GRIK4: variants seen among roughly 807,000 people sequenced by gnomAD.
GRIK4 encodes glutamate receptor ionotropic, kainate 4.
GRIK4 carries 40 observed loss-of-function variants against 104.9 expected under a neutral mutation model. The observed-to-expected ratio is 0.38, with a 90% CI of 0.30 to 0.50. The LOEUF (loss-of-function observed/expected upper bound fraction) is 0.50, where lower values mean the gene tolerates loss of function less well. Ranked by LOEUF, GRIK4 falls within the 20% of genes least tolerant of loss-of-function variation. The pLI is 0.93. For missense variants in GRIK4, 1,047 were observed against 1,308.1 expected, an observed-to-expected ratio of 0.80 and a Z score of 3.08; for synonymous variants, 485 against 524.9, an observed-to-expected ratio of 0.92 and a Z score of 1.04.
intron 3 of GRIK4, among the ~76,000 whole-genome samples, chr11:120,743,059 C>T (rs1050691267): frequency 2.0e-5 from 3 of 151,984 alleles, no homozygotes; most frequent in Non-Finnish European, 4.4e-5. Context: ...GGTGAAACCC[C>T]GTCTGTACTG....
At chr11:120,696,911 C>T (rs755973224) in intron 3 of GRIK4, among the ~76,000 whole-genome samples, 11 of 152,212 alleles carry the variant, frequency 7.2e-5, no homozygotes, top group East Asian at 1.9e-4. Flanking sequence ...AGATAAACTG[C>T]GCTATGGGCA....
chr11:120,911,942 G>C (rs1943008532), intron 13 of GRIK4, among the ~76,000 whole-genome samples: 1 of 151,812 alleles, frequency 6.6e-6, no homozygotes, highest in Non-Finnish European at 1.5e-5. Flanking sequence ...AAAATTATTT[G>C]TAATTCCACC....
intron 19 of GRIK4, among the ~76,000 whole-genome samples, chr11:120,972,306 C>T (rs1285844536): frequency 1.3e-5 from 2 of 152,164 alleles, no homozygotes; most frequent in East Asian, 3.9e-4. Flanking sequence ...ATTCTGAGCT[C>T]TTGGCGGCAT....
intron 4 of GRIK4, among the ~76,000 whole-genome samples, chr11:120,804,460 C>G (rs1434909334): frequency 6.6e-6 from 1 of 152,318 alleles, no homozygotes; most frequent in East Asian, 1.9e-4. Context: ...CTCCCTCTCA[C>G]AGCTTCCTTC....
chr11:120,896,644 A>G (rs1438172351), intron 11 of GRIK4, among the ~76,000 whole-genome samples: 1 of 152,214 alleles, frequency 6.6e-6, no homozygotes, highest in Admixed American at 6.5e-5. Flanking sequence ...CACCTTCTCC[A>G]GACTGTGAAG....
intron 8 of GRIK4, among the ~76,000 whole-genome samples, chr11:120,848,894 G>C (rs746957398): frequency 2.0e-5 from 3 of 152,080 alleles, no homozygotes; most frequent in East Asian, 3.9e-4. Context: ...AGGGGGACAG[G>C]GGGTGTGAGA....
intron 8 of GRIK4, among the ~76,000 whole-genome samples, chr11:120,861,282 A>G (rs920268546): frequency 6.6e-6 from 1 of 151,576 alleles, no homozygotes; most frequent in African/African-American, 2.4e-5. Flanking sequence ...CTAGTTTTGT[A>G]TTTTTAGTAG....
rs1942819405 is a variant in GRIK4 at position 120,904,417 on chromosome 11, G to T, written c.1273-873G>T. Reference sequence around the variant, plus strand: ...CTTTCTGTGCCTCTTACATCCTTCTGGCTTTCTCCAATCCAACCTGCAGCC... The same window carrying T: ...CTTTCTGTGCCTCTTACATCCTTCTTGCTTTCTCCAATCCAACCTGCAGCC... On this transcript the variant is annotated intron_variant, in intron 12 of 20. Coordinates refer to ENST00000527524, the MANE Select transcript of GRIK4 (RefSeq NM_014619.5). Among the ~76,000 whole-genome samples the T allele has an allele frequency of 2.6e-5, 4 of 152,266 alleles. No homozygotes were observed. In the South Asian group the frequency reaches 8.3e-4, roughly 32 times the overall value.
intron 3 of GRIK4, among the ~76,000 whole-genome samples, chr11:120,765,686 G>A (rs1398710157): frequency 6.6e-6 from 1 of 152,142 alleles, no homozygotes; most frequent in Non-Finnish European, 1.5e-5. Context: ...GTTGCTTTCT[G>A]TTTGTTATTT....
chr11:120,769,157 C>G (rs570667038), intron 3 of GRIK4, among the ~76,000 whole-genome samples: 14 of 152,210 alleles, frequency 9.2e-5, no homozygotes, highest in African/African-American at 3.1e-4. Context: ...GCTGTGATGC[C>G]ATCTGGTCCT....
In GRIK4 at chr11:120,526,279, G is replaced by A. The variant is rs78916251; in HGVS notation, c.-159+14392G>A. ...TGCGGTGGCATGATCTCCATCTCCC[G>A]GGCTCAGGGTGATTCTCCCACCCTG... On this transcript the variant is annotated intron_variant, in intron 1 of 20. Transcript: ENST00000527524. 3.8e-3 allele frequency among the ~76,000 whole-genome samples: 584 copies of A among 152,044 alleles called. 19 individuals are homozygous for A. The East Asian group carries it at 0.061, about 16-fold the overall frequency.
intron 11 of GRIK4, chr11:120,894,851 A>C (rs1163817434): frequency 2.0e-5 from 3 of 152,228 alleles, no homozygotes; most frequent in Non-Finnish European, 4.4e-5. Context: ...TGGGGCAATT[A>C]GCCTGTATCC....
At chr11:120,531,786 G>A (rs1416269200) in intron 1 of GRIK4, among the ~76,000 whole-genome samples, 1 of 152,066 alleles carries the variant, frequency 6.6e-6, no homozygotes, top group Non-Finnish European at 1.5e-5. Context: ...ATGTTGGCCA[G>A]GCTGGTCTCG....
intron 1 of GRIK4, among the ~76,000 whole-genome samples, chr11:120,595,940 G>A (rs905092632): frequency 1.3e-5 from 2 of 152,216 alleles, no homozygotes; most frequent in African/African-American, 4.8e-5. Context: ...TCCACCTCCC[G>A]GGTTCAAGCG....
intron 16 of GRIK4, among the ~76,000 whole-genome samples, chr11:120,958,769 G>A (rs972142733): frequency 2.6e-5 from 4 of 152,204 alleles, no homozygotes; most frequent in Non-Finnish European, 5.9e-5. Flanking sequence ...TGTAGCCAGA[G>A]TGTAGCCAAC....
intron 2 of GRIK4, among the ~76,000 whole-genome samples, chr11:120,656,363 C>A (rs1322276902): frequency 6.6e-6 from 1 of 152,218 alleles, no homozygotes; most frequent in Non-Finnish European, 1.5e-5. Flanking sequence ...GCTTCCTCAT[C>A]TGTAATAGAG....
intron 3 of GRIK4, among the ~76,000 whole-genome samples, chr11:120,711,008 T>C (rs559818800): frequency 2.0e-4 from 24 of 120,878 alleles, no homozygotes; most frequent in Admixed American, 9.1e-4. Context: ...GGGGAGGGGG[T>C]GTGAGCAGCT....
At chr11:120,957,535 A>G (rs1357200626) in intron 16 of GRIK4, among the ~76,000 whole-genome samples, 1 of 151,558 alleles carries the variant, frequency 6.6e-6, no homozygotes, top group African/African-American at 2.4e-5. Flanking sequence ...CTACATAAAC[A>G]TATGGACTGA....
intron 4 of GRIK4, among the ~76,000 whole-genome samples, chr11:120,813,223 A>G: frequency 6.6e-6 from 1 of 152,068 alleles, no homozygotes; most frequent in East Asian, 1.9e-4. Flanking sequence ...GGGTCAGGAG[A>G]CTTGAATCCA....
Sources: gnomAD v4.1 joint callset for allele counts (sites outside exome capture counted in the v4.1 genomes callset) on GRCh38, gnomAD v4.1.1 for gene constraint, MANE v1.5 for transcripts, NCBI Gene and HGNC (gene_info 2026-07-23, HGNC 2026-07-21) for gene names.